The following PRKG1 variants were observed in gnomAD, a reference collection of about 807,000 sequenced individuals.
The protein encoded by PRKG1 is protein kinase cGMP-dependent 1.
A neutral mutation model predicts 88.1 loss-of-function variants in PRKG1; 35 were observed. The observed-to-expected ratio is 0.40, with a 90% CI of 0.30 to 0.53. The LOEUF (loss-of-function observed/expected upper bound fraction) is 0.53. Ranked by LOEUF, PRKG1 falls within the 20% of genes least tolerant of loss-of-function variation. The pLI, the probability that PRKG1 is intolerant of heterozygous loss-of-function variation, is 0.59. For synonymous variants in PRKG1, 303 were observed against 292.5 expected (o/e 1.04, Z -0.37); for missense variants, 540 against 839.8 (o/e 0.64, Z 4.41).
At chr10:51,079,363 A>G (rs1482740045) in intron 1 of PRKG1, among the ~76,000 whole-genome samples, 1 of 152,242 alleles carries the variant, frequency 6.6e-6, no homozygotes, top group Non-Finnish European at 1.5e-5. Context: ...TCAGAAACTC[A>G]TGTGGAAGTA....
At chr10:51,800,200 T>G (rs1015886157) in intron 3 of PRKG1, among the ~76,000 whole-genome samples, 3 of 152,064 alleles carry the variant, frequency 2.0e-5, no homozygotes, top group Admixed American at 2.0e-4. Flanking sequence ...AAGGGTGCTC[T>G]TTTTTCTCCC....
Position 51,628,000 on chromosome 10 carries a change from CTCTCTCTCTCTT to C in PRKG1, c.592+160168_592+160179del, listed in dbSNP as rs1183077094. Among the ~76,000 whole-genome samples, 136 of 45,948 alleles carry C rather than the reference CTCTCTCTCTCTT, an allele frequency of 3.0e-3. 1 individual carries two copies. Among genetic ancestry groups the C allele is most frequent in the African/African-American group, 7.6e-3 (128 of 16,864 alleles). 30.1% of individuals were successfully genotyped at this position (45,948 alleles called of 152,430 possible). On this transcript the variant is annotated intron_variant, in intron 3 of 17. Coordinates refer to ENST00000373980, the MANE Select transcript of PRKG1 (RefSeq NM_006258.4). ...TCTTTCTTTCTTTCTTTCTCTCTCT[CTCTCTCTCTCTT>C]TCTTTCTTTCTTTCTTTCTTTCTTT...
At chr10:51,252,306 G>A (rs1483529617) in intron 2 of PRKG1, among the ~76,000 whole-genome samples, 1 of 151,736 alleles carries the variant, frequency 6.6e-6, no homozygotes, top group African/African-American at 2.4e-5. Context: ...TTTTTTAAAT[G>A]TCTTTACTAT....
intron 9 of PRKG1, among the ~76,000 whole-genome samples, chr10:52,228,143 G>A (rs1840435254): frequency 6.6e-6 from 1 of 152,092 alleles, no homozygotes; most frequent in African/African-American, 2.4e-5. Flanking sequence ...CACTGGTGAT[G>A]TTTTCTTGAA....
rs75791862 is a variant in PRKG1, at chr10:51,706,906, C to T, written c.593-97679C>T. On this transcript the variant is annotated intron_variant, in intron 3 of 17. Coordinates refer to ENST00000373980, the MANE Select transcript of PRKG1 (RefSeq NM_006258.4). ...ACATTGTATGGTCATTATTAATCTA[C>T]ATTGGTTATCTAGTAATAGTAGATG... is the stretch of plus-strand genomic sequence containing the variant. 4.4e-3 allele frequency among the ~76,000 whole-genome samples: 669 copies of T among 152,090 alleles called. 2 individuals carry two copies. The highest frequency in any genetic ancestry group is 0.016 in the African/African-American group (648 of 41,482).
intron 3 of PRKG1, 172 bp downstream of exon 3, chr10:51,468,008 A>C: frequency 1.7e-6 from 1 of 588,858 alleles, no homozygotes; most frequent in South Asian, 2.0e-5. Context: ...GTGATTGTTA[A>C]CAATCAGTTT....
chr10:51,846,477 G>A (rs1840401594), intron 4 of PRKG1, among the ~76,000 whole-genome samples: 1 of 152,212 alleles, frequency 6.6e-6, no homozygotes, highest in South Asian at 2.1e-4. Context: ...TAGGACAGTG[G>A]CAGAGGTTCT....
intron 2 of PRKG1, among the ~76,000 whole-genome samples, chr10:51,267,721 C>A (rs10996455): frequency 2.6e-5 from 4 of 151,952 alleles, no homozygotes; most frequent in Non-Finnish European, 4.4e-5. Context: ...AAGATAACAT[C>A]GGGAAAACTC....
At position 52,271,476 on chromosome 10, in the gene PRKG1, G is replaced by A. The variant is rs371044753; in HGVS notation, c.1300G>A (p.Asp434Asn). Residue 434 changes from aspartate (D) to asparagine (N), a missense_variant, in exon 11 of 18, where the codon GAT (aspartate) becomes AAT (asparagine). Transcript: ENST00000373980. ...GCAGATCATGCAGGGGGCTCATTCC[G>A]ATTTCATAGTGAGGTAAAGGCTCCA... The part of the protein sequence containing the change: ...EKQIMQGAHS[D>N]FIVRLYRTFK... 14 of 1,612,148 alleles carry A rather than the reference G, an allele frequency of 8.7e-6. No homozygotes were observed. Among genetic ancestry groups the A allele is most frequent in the Middle Eastern group, 1.6e-4 (1 of 6,064 alleles).
intron 3 of PRKG1, among the ~76,000 whole-genome samples, chr10:51,522,043 G>A (rs1841749624): frequency 6.6e-6 from 1 of 152,036 alleles, no homozygotes; most frequent in Non-Finnish European, 1.5e-5. Flanking sequence ...TCCCTTTTTG[G>A]ATTATTATTT....
rs1016953963 is a variant in PRKG1 at position 52,151,153 on chromosome 10, G to A, written c.1002-10736G>A. 7.9e-5 allele frequency among the ~76,000 whole-genome samples: 12 copies of A among 152,196 alleles called. No homozygotes were observed. The South Asian group carries it at 1.0e-3, about 13-fold the overall frequency. The stretch of plus-strand genomic sequence containing the variant: ...ATATAGGTAAACTTGTGTCATGCGG[G>A]TTTGGTGTGTAGACTATTTTGTACT... On this transcript the variant is annotated intron_variant, in intron 8 of 17. Coordinates refer to ENST00000373980, the MANE Select transcript of PRKG1 (RefSeq NM_006258.4).
chr10:52,039,588 C>G (rs1335739784), intron 5 of PRKG1, among the ~76,000 whole-genome samples: 1 of 152,046 alleles, frequency 6.6e-6, no homozygotes, highest in Non-Finnish European at 1.5e-5. Context: ...GCTACTGTAC[C>G]AGTTAGTACG....
Position 51,383,384 on chromosome 10 carries a change from T to C in PRKG1, c.479-84339T>C, listed in dbSNP as rs532070555. ...GGACAATTAGAAGGCAGCAAACACT[T>C]ATATTGTACTTTACTGTGTCAGGCA... On this transcript the variant is annotated intron_variant, in intron 2 of 17. Coordinates refer to ENST00000373980, the MANE Select transcript of PRKG1 (RefSeq NM_006258.4). Among the ~76,000 whole-genome samples the C allele has an allele frequency of 2.7e-3, 404 of 152,216 alleles. 3 individuals are homozygous for C. The highest frequency in any genetic ancestry group is 9.3e-3 in the African/African-American group (388 of 41,550).
At position 52,296,710 on chromosome 10, in the gene PRKG1, CTG is replaced by C. The variant is rs1038268579; in HGVS notation, c.*2811_*2812del. On this transcript the variant is annotated 3_prime_UTR_variant, in exon 18 of 18. Coordinates refer to ENST00000373980, the MANE Select transcript of PRKG1 (RefSeq NM_006258.4). ...CTGTGTGTCTTGACTCACAGGAAAA[CTG>C]AAACTGCCAAGGGAAGCAACATTAA... 6 of 151,964 alleles carry C rather than the reference CTG, an allele frequency of 3.9e-5. No homozygotes were observed. The East Asian group carries it at 1.2e-3, about 29-fold the overall frequency. The allele number at this position is 151,964 out of a possible 1,614,324, so 9.4% of individuals were successfully genotyped here.
intron 3 of PRKG1, among the ~76,000 whole-genome samples, chr10:51,673,592 TAC>T (rs1840636778): frequency 6.6e-6 from 1 of 152,210 alleles, no homozygotes; most frequent in South Asian, 2.1e-4. Context: ...TGATATGACT[TAC>T]AGTTCTCTGG....
chr10:51,658,949 A>G (rs1173828163), intron 3 of PRKG1, among the ~76,000 whole-genome samples: 1 of 152,040 alleles, frequency 6.6e-6, no homozygotes, highest in African/African-American at 2.4e-5. Context: ...CTACTCCCAT[A>G]TTACTAGACA....
chr10:51,816,491 A>C (rs931270410), intron 4 of PRKG1, among the ~76,000 whole-genome samples: 1 of 152,006 alleles, frequency 6.6e-6, no homozygotes, highest in Non-Finnish European at 1.5e-5. Flanking sequence ...GTGCATTGCT[A>C]TAAACATTTC....
At chr10:52,089,970 A>C (rs892894079) in intron 7 of PRKG1, among the ~76,000 whole-genome samples, 10 of 151,810 alleles carry the variant, frequency 6.6e-5, no homozygotes, top group African/African-American at 2.2e-4. Flanking sequence ...ATGTGCCACC[A>C]TGCCTAGCTA....
intron 4 of PRKG1, among the ~76,000 whole-genome samples, chr10:51,872,882 G>C (rs12784373): frequency 0.24 from 35,933 of 151,822 alleles, 4,610 homozygotes; most frequent in Non-Finnish European, 0.28. Context: ...CTTAGGTTCA[G>C]AGCCTAGTTC....
Sources: allele counts gnomAD v4.1 joint callset (sites outside exome capture counted in the v4.1 genomes callset), GRCh38; gene constraint gnomAD v4.1.1; transcripts MANE v1.5; gene names NCBI Gene and HGNC (gene_info 2026-07-23, HGNC 2026-07-21).